The following FBXO11 variants were observed in gnomAD, a reference collection of about 807,000 sequenced individuals.
FBXO11 encodes F-box protein 11, also known as F-box only protein 11.
FBXO11 carries 13 observed loss-of-function variants against 117.0 expected under a neutral mutation model. The ratio of observed to expected loss-of-function variants is 0.11; its 90% confidence interval spans 0.07 to 0.18. The LOEUF is 0.18. Among genes scored for constraint, FBXO11 ranks in the 10% least tolerant of loss-of-function variants. The pLI, the probability that FBXO11 is intolerant of heterozygous loss-of-function variation, is 1.00. For synonymous variants in FBXO11, 490 were observed against 380.5 expected (o/e 1.29, Z -3.35); for missense variants, 767 against 1,164.4 (o/e 0.66, Z 4.97).
rs890552096 is a variant in FBXO11 at position 47,906,431 on chromosome 2, C to A, written c.-711G>T. On this transcript the variant is annotated 5_prime_UTR_variant, in exon 1 of 23. Transcript: ENST00000403359. ...TCCTCCTCCTCCTCGTCAGCCCTGTCGCCGCTGCTTCTGCTGCTGCTCCGT... is the reference window on the plus strand; with the variant it reads ...TCCTCCTCCTCCTCGTCAGCCCTGTAGCCGCTGCTTCTGCTGCTGCTCCGT... Among the ~76,000 whole-genome samples, 2 of 152,128 alleles carry A rather than the reference C, an allele frequency of 1.3e-5. No individual in the cohort carries two copies. The highest frequency in any genetic ancestry group is 2.9e-5 in the Non-Finnish European group (2 of 68,010).
chr2:47,870,441 T>C (rs2103822967), intron 1 of FBXO11, among the ~76,000 whole-genome samples: 1 of 152,308 alleles, frequency 6.6e-6, no homozygotes, highest in Admixed American at 6.5e-5. Flanking sequence ...GGGAGGTCTT[T>C]AGGGTGGGGC....
intron 11 of FBXO11, among the ~76,000 whole-genome samples, chr2:47,828,508 T>G (rs1671931578): frequency 6.6e-6 from 1 of 151,574 alleles, no homozygotes; most frequent in African/African-American, 2.4e-5. Flanking sequence ...CTCGGGAGAC[T>G]GAGACACAAG....
Position 47,808,063 on chromosome 2 carries a change from A to G in FBXO11, c.*55T>C. The G allele has an allele frequency of 6.8e-7, 1 of 1,464,558 alleles. No individual in the cohort carries two copies. Among genetic ancestry groups the G allele is most frequent in the Non-Finnish European group, 9.3e-7 (1 of 1,070,888 alleles). 90.7% of individuals were successfully genotyped at this position (1,464,558 alleles called of 1,614,324 possible). ...AAATATTTTAAATCTTCTTCCAAAAAAGTGTTTTAAGTTATGATGTTACAA... is the reference window on the plus strand; with the variant it reads ...AAATATTTTAAATCTTCTTCCAAAAGAGTGTTTTAAGTTATGATGTTACAA... On this transcript the variant is annotated 3_prime_UTR_variant, in exon 23 of 23. Coordinates refer to ENST00000403359, the MANE Select transcript of FBXO11 (RefSeq NM_001190274.2).
intron 1 of FBXO11, among the ~76,000 whole-genome samples, chr2:47,875,995 A>G (rs944292835): frequency 3.9e-5 from 6 of 152,188 alleles, no homozygotes; most frequent in African/African-American, 1.4e-4. Flanking sequence ...AATCCTCCCC[A>G]CAACAACTAT....
intron 1 of FBXO11, among the ~76,000 whole-genome samples, chr2:47,873,038 A>C (rs1360350598): frequency 2.0e-5 from 3 of 152,190 alleles, no homozygotes; most frequent in African/African-American, 4.8e-5. Context: ...GAGAACTGCT[A>C]TTGTAGAGTA....
intron 18 of FBXO11, chr2:47,812,979 G>T: frequency 2.1e-6 from 1 of 474,680 alleles, no homozygotes. Context: ...AAAAGGTCCA[G>T]AGAATGTAAA....
intron 1 of FBXO11, among the ~76,000 whole-genome samples, chr2:47,858,301 T>G (rs1674471059): frequency 1.3e-5 from 2 of 151,382 alleles, no homozygotes; most frequent in African/African-American, 2.4e-5. Flanking sequence ...TGAGCCACCG[T>G]GCCCAGCCCA....
chr2:47,844,409 T>C (rs914477778), intron 1 of FBXO11, among the ~76,000 whole-genome samples: 2 of 152,208 alleles, frequency 1.3e-5, no homozygotes, highest in African/African-American at 4.8e-5. Flanking sequence ...TTGTTTCAGA[T>C]ATATTTTGAA....
At chr2:47,901,621 G>C (rs1427809916) in intron 1 of FBXO11, among the ~76,000 whole-genome samples, 1 of 151,950 alleles carries the variant, frequency 6.6e-6, no homozygotes, top group South Asian at 2.1e-4. Flanking sequence ...TATTTTTTGA[G>C]ATGGAGTCTC....
intron 1 of FBXO11, among the ~76,000 whole-genome samples, chr2:47,889,241 C>T (rs1459397159): frequency 6.6e-6 from 1 of 152,152 alleles, no homozygotes; most frequent in Non-Finnish European, 1.5e-5. Flanking sequence ...TCTTCAGCTA[C>T]TAAAAGCCAC....
At chr2:47,879,548 G>C (rs1676284996) in intron 1 of FBXO11, among the ~76,000 whole-genome samples, 1 of 152,144 alleles carries the variant, frequency 6.6e-6, no homozygotes, top group East Asian at 1.9e-4. Flanking sequence ...TTAATTTTCT[G>C]TGAATTATCG....
chr2:47,860,084 G>A (rs928577614), intron 1 of FBXO11, among the ~76,000 whole-genome samples: 4 of 152,086 alleles, frequency 2.6e-5, no homozygotes, highest in African/African-American at 9.7e-5. Context: ...AAGAGTAAAC[G>A]GGCACTAAAT....
intron 1 of FBXO11, among the ~76,000 whole-genome samples, chr2:47,853,317 G>C (rs1404686157): frequency 1.3e-5 from 2 of 152,114 alleles, no homozygotes; most frequent in Non-Finnish European, 2.9e-5. Context: ...TGATCCACCT[G>C]CCTCGGCCTC....
At chr2:47,901,188 CAT>C (rs1303822097) in intron 1 of FBXO11, among the ~76,000 whole-genome samples, 16 of 133,550 alleles carry the variant, frequency 1.2e-4, no homozygotes, top group African/African-American at 4.0e-4. Context: ...TATGTGGGTA[CAT>C]ATATATGTGT....
At chr2:47,877,160 T>C (rs910339941) in intron 1 of FBXO11, among the ~76,000 whole-genome samples, 1 of 152,008 alleles carries the variant, frequency 6.6e-6, no homozygotes, top group African/African-American at 2.4e-5. Flanking sequence ...CTCAGTAGCA[T>C]GGGACCACAG....
At chr2:47,893,489 C>T (rs1447337871) in intron 1 of FBXO11, among the ~76,000 whole-genome samples, 2 of 151,902 alleles carry the variant, frequency 1.3e-5, no homozygotes, top group South Asian at 4.2e-4. Context: ...TTAATCTATT[C>T]AATACAAAAG....
rs990377770 is a variant in FBXO11, at chr2:47,897,061, G to A, written c.232+8428C>T. Among the ~76,000 whole-genome samples the A allele has an allele frequency of 1.3e-5, 2 of 152,124 alleles. 1 individual carries two copies. The highest frequency in any genetic ancestry group is 4.1e-4 in the South Asian group (2 of 4,824). The stretch of plus-strand genomic sequence containing the variant: ...AAAGTTATGACCAATTATGTGGGAA[G>A]AAACAATAACTAGTAACATACATAC... On this transcript the variant is annotated intron_variant, in intron 1 of 22. Transcript: ENST00000403359.
chr2:47,905,767 C>G lies in FBXO11; in HGVS notation c.-47G>C, dbSNP rs1183874420. On this transcript the variant is annotated 5_prime_UTR_variant, in exon 1 of 23. Transcript: ENST00000403359. Reference sequence around the variant, plus strand: ...GTTGGCGGAGGGACACACACACGCACACGCACAGCGAGCTTCGGGGCAGGA... The same window carrying G: ...GTTGGCGGAGGGACACACACACGCAGACGCACAGCGAGCTTCGGGGCAGGA... The G allele has an allele frequency of 2.0e-6, 3 of 1,503,332 alleles. No individual in the cohort carries two copies. Among genetic ancestry groups the G allele is most frequent in the South Asian group, 1.2e-5 (1 of 82,840 alleles). 93.1% of individuals were successfully genotyped at this position (1,503,332 alleles called of 1,614,324 possible).
At chr2:47,901,128 C>CATAT (rs1262333844) in intron 1 of FBXO11, among the ~76,000 whole-genome samples, 2 of 84,522 alleles carry the variant, frequency 2.4e-5, no homozygotes, top group African/African-American at 9.7e-5. Flanking sequence ...CACGTGTGTA[C>CATAT]ATGTATATAT....
Sources: gnomAD v4.1 joint callset for allele counts (sites outside exome capture counted in the v4.1 genomes callset) on GRCh38, gnomAD v4.1.1 for gene constraint, MANE v1.5 for transcripts, NCBI Gene and HGNC (gene_info 2026-07-23, HGNC 2026-07-21) for gene names.